Variants in FAM13A observed in about 807,000 individuals in gnomAD.
The protein encoded by FAM13A is protein FAM13A.
FAM13A carries 76 observed loss-of-function variants against 129.6 expected under a neutral mutation model. The ratio of observed to expected loss-of-function variants is 0.59; its 90% CI spans 0.49 to 0.71. FAM13A has a LOEUF of 0.71. Among genes scored for constraint, FAM13A ranks in the 30% least tolerant of loss-of-function variants. The pLI is 0.00. For missense variants in FAM13A, 1,108 were observed against 1,249.3 expected, an observed-to-expected ratio of 0.89 and a Z score of 1.70; for synonymous variants, 443 against 449.9, an observed-to-expected ratio of 0.98 and a Z score of 0.20.
intron 5 of FAM13A, among the ~76,000 whole-genome samples, chr4:88,930,811 GT>G (rs1467142104): frequency 6.6e-6 from 1 of 152,140 alleles, no homozygotes; most frequent in Non-Finnish European, 1.5e-5. Flanking sequence ...AGTGGTCTGT[GT>G]TAATGTTGCT....
chr4:88,945,990 GTATATATA>G lies in FAM13A; in HGVS notation c.606-7757_606-7750del, dbSNP rs199936059. Reference sequence around the variant, plus strand: ...TGTGTGTGTGTGTGTGTGTGTGTGTGTATATATATATATATATATATATATATATATAT... The same window carrying G: ...TGTGTGTGTGTGTGTGTGTGTGTGTGTATATATATATATATATATATATAT... On this transcript the variant is annotated intron_variant, in intron 4 of 23. Transcript: ENST00000264344. Among the ~76,000 whole-genome samples, 26 of 61,960 alleles carry G rather than the reference GTATATATA, an allele frequency of 4.2e-4. 1 individual carries two copies. Among genetic ancestry groups the G allele is most frequent in the Middle Eastern group, 0.01 (1 of 100 alleles). 40.6% of individuals were successfully genotyped at this position (61,960 alleles called of 152,430 possible).
At chr4:88,800,722 A>G (rs896026114) in intron 8 of FAM13A, among the ~76,000 whole-genome samples, 4 of 151,360 alleles carry the variant, frequency 2.6e-5, no homozygotes, top group Non-Finnish European at 4.4e-5. Context: ...AAAAAAAAAG[A>G]AAAAGAAACA....
intron 7 of FAM13A, among the ~76,000 whole-genome samples, chr4:88,826,560 T>C (rs1236862182): frequency 6.6e-6 from 1 of 152,226 alleles, no homozygotes; most frequent in Non-Finnish European, 1.5e-5. Flanking sequence ...TATCTTTGAC[T>C]GTTCACTGCA....
At chr4:88,929,112 A>G (rs2609282) in intron 5 of FAM13A, among the ~76,000 whole-genome samples, 120,680 of 151,930 alleles carry the variant, frequency 0.79, 48,160 homozygotes, top group Non-Finnish European at 0.83. Flanking sequence ...TTGCTTGTCT[A>G]ATAAAAACTT....
intron 8 of FAM13A, among the ~76,000 whole-genome samples, chr4:88,801,175 T>C (rs1271089222): frequency 6.6e-6 from 1 of 152,230 alleles, no homozygotes; most frequent in Non-Finnish European, 1.5e-5. Context: ...CATGGTATAA[T>C]ATTCAGATCC....
intron 14 of FAM13A, among the ~76,000 whole-genome samples, chr4:88,751,421 G>A (rs1742590477): frequency 6.6e-6 from 1 of 152,160 alleles, no homozygotes; most frequent in Non-Finnish European, 1.5e-5. Flanking sequence ...AGGTCATCCA[G>A]TAAGCTGTTT....
intron 4 of FAM13A, among the ~76,000 whole-genome samples, chr4:88,939,422 T>C (rs1754378594): frequency 6.6e-6 from 1 of 152,156 alleles, no homozygotes; most frequent in South Asian, 2.1e-4. Context: ...TTGCATTTCA[T>C]GTCCACTCCC....
chr4:88,747,781 C>T lies in FAM13A; in HGVS notation c.2232G>A (p.Lys744=). 6.2e-7 allele frequency: 1 copy of T among 1,614,208 alleles called. No homozygotes were observed. Among genetic ancestry groups the T allele is most frequent in the Non-Finnish European group, 8.5e-7 (1 of 1,180,020 alleles). The change falls in exon 18 of 24, where the codon AAG becomes AAA. Residue 744 remains lysine, a synonymous_variant. Transcript: ENST00000264344. ...CTTTCTCAAGTTGGGAACCAAAACT[C>T]TTGGGGAGTGTGTTGCTTCGCTGCC... The part of the protein sequence containing the change: ...RMRQRSNTLP[K]SFGSQLEKED...
intron 11 of FAM13A, 133 bp downstream of exon 11, chr4:88,781,032 C>T (rs1395967952): frequency 8.5e-6 from 4 of 469,762 alleles, no homozygotes; most frequent in South Asian, 5.4e-5. Context: ...AATATATATA[C>T]ACTTAGTAGC....
chr4:88,803,575 T>C (rs1185106904), intron 8 of FAM13A, among the ~76,000 whole-genome samples: 1 of 152,184 alleles, frequency 6.6e-6, no homozygotes, highest in African/African-American at 2.4e-5. Flanking sequence ...TATATTTATA[T>C]AATGAATATC....
At chr4:88,944,786 C>T (rs910764759) in intron 4 of FAM13A, among the ~76,000 whole-genome samples, 2 of 151,912 alleles carry the variant, frequency 1.3e-5, no homozygotes, top group Non-Finnish European at 2.9e-5. Flanking sequence ...GCCTATAGTC[C>T]CAGCTACTCG....
At chr4:88,949,169 C>T (rs1223057879) in intron 4 of FAM13A, among the ~76,000 whole-genome samples, 1 of 152,104 alleles carries the variant, frequency 6.6e-6, no homozygotes, top group Non-Finnish European at 1.5e-5. Context: ...CCTTCTATGT[C>T]TTAATCTAAG....
chr4:88,836,827 G>A (rs1174882358), intron 7 of FAM13A, among the ~76,000 whole-genome samples: 1 of 151,822 alleles, frequency 6.6e-6, no homozygotes, highest in Non-Finnish European at 1.5e-5. Flanking sequence ...GGGCATGGTG[G>A]CGGGTGTTTG....
intron 7 of FAM13A, among the ~76,000 whole-genome samples, chr4:88,817,919 C>T (rs539722200): frequency 7.3e-4 from 111 of 152,290 alleles, no homozygotes; most frequent in Middle Eastern, 6.8e-3. Context: ...GCAACATACC[C>T]TTTACATCTG....
intron 6 of FAM13A, chr4:88,855,354 T>C (rs976385284): frequency 1.3e-5 from 2 of 152,188 alleles, no homozygotes; most frequent in East Asian, 3.8e-4. Flanking sequence ...ATGGAAGATA[T>C]GTTCATCATA....
chr4:88,949,152 G>T (rs1756490474), intron 4 of FAM13A, among the ~76,000 whole-genome samples: 2 of 152,100 alleles, frequency 1.3e-5, no homozygotes, highest in African/African-American at 4.8e-5. Flanking sequence ...ACGTTTATGT[G>T]TATAAGCCTT....
chr4:88,963,200 C>T (rs1435165893), intron 4 of FAM13A, among the ~76,000 whole-genome samples: 1 of 152,146 alleles, frequency 6.6e-6, no homozygotes. Context: ...GTCATTAACA[C>T]ACCCAGACCC....
intron 11 of FAM13A, among the ~76,000 whole-genome samples, chr4:88,772,924 T>C (rs971360501): frequency 6.6e-6 from 1 of 152,224 alleles, no homozygotes; most frequent in Non-Finnish European, 1.5e-5. Flanking sequence ...TAGATGTGTG[T>C]ATAAACATGA....
intron 18 of FAM13A, among the ~76,000 whole-genome samples, 198 bp from the exon 19 acceptor site, chr4:88,747,213 T>C (rs1238157633): frequency 6.6e-6 from 1 of 152,142 alleles, no homozygotes; most frequent in South Asian, 2.1e-4. Flanking sequence ...AGAATCATCA[T>C]CAGCCACCTG....
Sources: allele counts gnomAD v4.1 joint callset (sites outside exome capture counted in the v4.1 genomes callset), GRCh38; gene constraint gnomAD v4.1.1; transcripts MANE v1.5; gene names NCBI Gene and HGNC (gene_info 2026-07-23, HGNC 2026-07-21).